The following PARD6G variants were observed in gnomAD, a reference collection of about 807,000 sequenced individuals.
The protein encoded by PARD6G is par-6 family cell polarity regulator gamma, also known as partitioning defective 6 homolog gamma.
Under a neutral mutation model 10.7 loss-of-function variants are expected in PARD6G, and 7 were observed. That is an observed-to-expected ratio of 0.66 (90% CI 0.37 to 1.23). The LOEUF (loss-of-function observed/expected upper bound fraction) is 1.23. Among genes scored for constraint, PARD6G ranks in the 50% most tolerant of loss-of-function variants. The pLI, the probability that PARD6G is intolerant of heterozygous loss-of-function variation, is 0.02. For missense variants in PARD6G, 548 were observed against 571.8 expected, an observed-to-expected ratio of 0.96 and a Z score of 0.42; for synonymous variants, 287 against 269.4, an observed-to-expected ratio of 1.07 and a Z score of -0.64.
At position 80,231,796 on chromosome 18, in the gene PARD6G, C is replaced by T. The variant is rs770279277; in HGVS notation, c.72+15481G>A. On this transcript the variant is annotated intron_variant, in intron 1 of 2. Transcript: ENST00000353265. The surrounding 1 kb of genome is among the most constrained non-coding windows in gnomAD (Gnocchi z 4.2). ...TCTCCCCCAGGCCTAGAGACGGGTT[C>T]GGCATCTCACAGGCATCCACAGGGA... Among the ~76,000 whole-genome samples, 8 of 152,118 alleles carry T rather than the reference C, an allele frequency of 5.3e-5. No homozygotes were observed. Among genetic ancestry groups the T allele is most frequent in the Non-Finnish European group, 7.4e-5 (5 of 68,014 alleles).
At chr18:80,179,834 G>A (rs1204379438) in intron 2 of PARD6G, among the ~76,000 whole-genome samples, 1 of 152,218 alleles carries the variant, frequency 6.6e-6, no homozygotes, top group Non-Finnish European at 1.5e-5. Context: ...AAAAGCAAAT[G>A]GTTTGGGTAA....
intron 1 of PARD6G, among the ~76,000 whole-genome samples, chr18:80,218,772 C>T (rs945841021): frequency 6.6e-6 from 1 of 152,272 alleles, no homozygotes; most frequent in African/African-American, 2.4e-5. Context: ...TCTGCCCCTG[C>T]AGCAGACTTC....
Position 80,159,862 on chromosome 18 carries a change from C to T in PARD6G, c.1040G>A (p.Arg347Gln), listed in dbSNP as rs1439749549. 1.9e-5 allele frequency: 29 copies of T among 1,509,558 alleles called. No individual in the cohort carries two copies. The highest frequency in any genetic ancestry group is 6.8e-5 in the Admixed American group (3 of 44,274). The allele number at this position is 1,509,558 out of a possible 1,614,324, so 93.5% of individuals were successfully genotyped here. A position where few individuals can be genotyped will look rare whatever the true frequency, so the allele number is the denominator to read the frequency against. ...RDLALDGGLQ[R>Q]LLSSLRADPR... ...GTCGGCCCGCAGGGAGCTGAGCAGC[C>T]GCTGGAGGCCGCCGTCCAGGGCCAG... The change falls in exon 3 of 3, where the codon CGG (arginine) becomes CAG (glutamine). Residue 347 changes from arginine (R) to glutamine (Q), a missense_variant. This residue lies in a region of PARD6G where 313 missense variants were observed against 279.9 expected (regional missense o/e 1.12). Coordinates refer to ENST00000353265, the MANE Select transcript of PARD6G (RefSeq NM_032510.4).
chr18:80,199,485 T>C (rs76294289), intron 2 of PARD6G, among the ~76,000 whole-genome samples: 1,914 of 152,362 alleles, frequency 0.013, 9 homozygotes, highest in Non-Finnish European at 0.021. Context: ...ATAATGTTAC[T>C]ATGAACATTC....
At position 80,159,803 on chromosome 18, in the gene PARD6G, C is replaced by G. The variant is rs1016898769; in HGVS notation, c.1099G>C (p.Val367Leu). Residue 367 changes from valine to leucine, a missense_variant, in exon 3 of 3, where the codon GTG (valine) becomes CTG (leucine). Val to Leu is a conservative substitution (Grantham distance 32). Transcript: ENST00000353265. Reference sequence around the variant, plus strand: ...GTGACCGCGGGCCCGTGCTCCTCCACGCCGCCTGGCGGCAGCGCCAGGCTG... The same window carrying G: ...GTGACCGCGGGCCCGTGCTCCTCCAGGCCGCCTGGCGGCAGCGCCAGGCTG... ...RHSLALPPGG[V>L]EEHGPAVTL 1 of 1,454,896 alleles carries G rather than the reference C, an allele frequency of 6.9e-7. No individual in the cohort carries two copies. The highest frequency in any genetic ancestry group is 9.0e-7 in the Non-Finnish European group (1 of 1,110,158). 90.1% of individuals were successfully genotyped at this position (1,454,896 alleles called of 1,614,324 possible). A position where few individuals can be genotyped will look rare whatever the true frequency, so the allele number is the denominator to read the frequency against.
At chr18:80,167,626 C>A (rs932576491) in intron 2 of PARD6G, among the ~76,000 whole-genome samples, 4 of 152,076 alleles carry the variant, frequency 2.6e-5, no homozygotes, top group Admixed American at 6.5e-5. Flanking sequence ...TGTACCCAGG[C>A]CTGTCCTCTC....
intron 1 of PARD6G, among the ~76,000 whole-genome samples, chr18:80,227,591 A>C (rs947296028): frequency 5.9e-5 from 9 of 152,240 alleles, no homozygotes; most frequent in African/African-American, 2.2e-4. Flanking sequence ...GGAAGCACTG[A>C]ATTGCTCTGA....
Position 80,181,079 on chromosome 18 carries a change from G to A in PARD6G, c.296-20473C>T, listed in dbSNP as rs533828830. Among the ~76,000 whole-genome samples the A allele has an allele frequency of 1.3e-5, 2 of 152,274 alleles. No homozygotes were observed. The highest frequency in any genetic ancestry group is 2.4e-5 in the African/African-American group (1 of 41,558). Reference sequence around the variant, plus strand: ...AGGTCTGAACCTCACGCGCGATCTCGACATTAGAACATGGGCTGCGACCGG... The same window carrying A: ...AGGTCTGAACCTCACGCGCGATCTCAACATTAGAACATGGGCTGCGACCGG... On this transcript the variant is annotated intron_variant, in intron 2 of 2. Transcript: ENST00000353265. This position sits in a 1 kb window ranked among gnomAD's most constrained non-coding sequence, Gnocchi z 7.9.
chr18:80,212,063 C>T (rs747744454), intron 1 of PARD6G, among the ~76,000 whole-genome samples: 3 of 152,126 alleles, frequency 2.0e-5, no homozygotes, highest in Admixed American at 6.5e-5. Context: ...AAAAAAAAAT[C>T]GATTCCCAGC....
intron 2 of PARD6G, chr18:80,169,174 A>G: frequency 6.0e-6 from 1 of 167,406 alleles, no homozygotes; most frequent in Non-Finnish European, 1.5e-5. Context: ...CGGTCCCGAG[A>G]CACGCCCTCT....
chr18:80,212,884 C>CA (rs529081644), intron 1 of PARD6G, among the ~76,000 whole-genome samples: 39,832 of 146,934 alleles, frequency 0.27, 6,859 homozygotes, highest in Non-Finnish European at 0.4. Context: ...GACCCCATCT[C>CA]AAAAAAAAAA....
In PARD6G at chr18:80,210,133, T is replaced by C. The variant is rs182698492; in HGVS notation, c.73-7201A>G. Among the ~76,000 whole-genome samples the C allele has an allele frequency of 9.2e-5, 14 of 152,210 alleles. No homozygotes were observed. In the East Asian group the frequency reaches 2.5e-3, roughly 27 times the overall value. ...AATAAGCAAGGAGACAAAAAGATGATGGAAACCCAAGACAGCTAGGAGCCT... is the reference window on the plus strand; with the variant it reads ...AATAAGCAAGGAGACAAAAAGATGACGGAAACCCAAGACAGCTAGGAGCCT... On this transcript the variant is annotated intron_variant, in intron 1 of 2. Transcript: ENST00000353265.
At chr18:80,193,722 C>A (rs1255291347) in intron 2 of PARD6G, among the ~76,000 whole-genome samples, 1 of 152,222 alleles carries the variant, frequency 6.6e-6, no homozygotes, top group Middle Eastern at 3.2e-3. Flanking sequence ...TGACACTTTG[C>A]TCCACCCAGC....
At chr18:80,203,901 G>A (rs375800315) in intron 1 of PARD6G, among the ~76,000 whole-genome samples, 2 of 152,208 alleles carry the variant, frequency 1.3e-5, no homozygotes, top group South Asian at 2.1e-4. Context: ...AGGGAGACAG[G>A]ATGATGGTCT....
At chr18:80,174,681 G>A (rs999822859) in intron 2 of PARD6G, among the ~76,000 whole-genome samples, 15 of 152,148 alleles carry the variant, frequency 9.9e-5, no homozygotes, top group African/African-American at 2.7e-4. Flanking sequence ...TAGGCTGGGT[G>A]CGGTGGCTCA....
chr18:80,160,653 C>T, intron 2 of PARD6G, 47 bp from the exon 3 acceptor site: 1 of 1,428,528 alleles, frequency 7.0e-7, no homozygotes, highest in Non-Finnish European at 9.1e-7. Context: ...CGAGCCCCGC[C>T]TGAGCCCTCG....
In PARD6G at chr18:80,201,464, T is replaced by C. The variant is rs1967006231; in HGVS notation, c.295+1246A>G. Among the ~76,000 whole-genome samples, 1 of 152,142 alleles carries C rather than the reference T, an allele frequency of 6.6e-6. No homozygotes were observed. The highest frequency in any genetic ancestry group is 2.4e-5 in the African/African-American group (1 of 41,426). On this transcript the variant is annotated intron_variant, in intron 2 of 2. Coordinates refer to ENST00000353265, the MANE Select transcript of PARD6G (RefSeq NM_032510.4). The surrounding 1 kb of genome is among the most constrained non-coding windows in gnomAD (Gnocchi z 5.9). Reference sequence around the variant, plus strand: ...GCCCCCAGCAACCCCGAAGGACTGATGTGGAAGCTGAAGCTCAGCCCGTCC... The same window carrying C: ...GCCCCCAGCAACCCCGAAGGACTGACGTGGAAGCTGAAGCTCAGCCCGTCC...
chr18:80,206,038 T>G (rs1383295016), intron 1 of PARD6G, among the ~76,000 whole-genome samples: 1 of 152,238 alleles, frequency 6.6e-6, no homozygotes, highest in East Asian at 1.9e-4. Context: ...TTCTACAATG[T>G]TTCAGTCTTA....
chr18:80,225,832 T>C (rs1967283132), intron 1 of PARD6G, among the ~76,000 whole-genome samples: 1 of 152,018 alleles, frequency 6.6e-6, no homozygotes. Context: ...CCAGGTCTAG[T>C]GTGACACCCA....
Sources: allele counts gnomAD v4.1 joint callset (sites outside exome capture counted in the v4.1 genomes callset), GRCh38; gene constraint gnomAD v4.1.1; regional missense constraint gnomAD v4.1.1; non-coding constraint Gnocchi (gnomAD v3.1); transcripts MANE v1.5; gene names NCBI Gene and HGNC (gene_info 2026-07-23, HGNC 2026-07-21).